Variants in ATP10B observed in about 807,000 individuals in gnomAD.
ATP10B encodes the protein phospholipid-transporting ATPase VB.
Under a neutral mutation model 141.2 loss-of-function variants are expected in ATP10B, and 122 were observed. That is an observed-to-expected ratio of 0.86 (90% CI 0.75 to 1.00). The LOEUF is 1.00. Ranked by LOEUF, ATP10B falls within the 50% of genes least tolerant of loss-of-function variation. The pLI, the probability that ATP10B is intolerant of heterozygous loss-of-function variation, is 0.00. For synonymous variants in ATP10B, 685 were observed against 692.0 expected (o/e 0.99, Z 0.16); for missense variants, 1,876 against 1,825.3 (o/e 1.03, Z -0.51).
At chr5:160,769,519 A>T (rs1234949309) in intron 2 of ATP10B, among the ~76,000 whole-genome samples, 1 of 152,252 alleles carries the variant, frequency 6.6e-6, no homozygotes, top group Non-Finnish European at 1.5e-5. Context: ...AAGCACTCAC[A>T]GTCCATACCA....
intron 2 of ATP10B, among the ~76,000 whole-genome samples, chr5:160,755,295 C>T (rs971971265): frequency 1.3e-5 from 2 of 152,062 alleles, no homozygotes; most frequent in African/African-American, 4.8e-5. Flanking sequence ...AAATATCCGC[C>T]CCATGATCCA....
intron 8 of ATP10B, among the ~76,000 whole-genome samples, chr5:160,647,028 A>G (rs1220355083): frequency 6.6e-6 from 1 of 152,126 alleles, no homozygotes; most frequent in Non-Finnish European, 1.5e-5. Context: ...ACATTGTCAA[A>G]TGTCTCCTGG....
upstream of ATP10B, among the ~76,000 whole-genome samples, chr5:160,854,772 A>G (rs1029624165): frequency 6.6e-6 from 1 of 151,916 alleles, no homozygotes; most frequent in Non-Finnish European, 1.5e-5. Flanking sequence ...ACTAATTTAC[A>G]CTCCCTATTG....
intron 6 of ATP10B, among the ~76,000 whole-genome samples, chr5:160,672,755 A>G (rs956788415): frequency 1.3e-5 from 2 of 152,210 alleles, no homozygotes; most frequent in African/African-American, 4.8e-5. Context: ...ACTGGGCATG[A>G]CACATCTACT....
chr5:160,756,708 G>T (rs1213954598), intron 2 of ATP10B, among the ~76,000 whole-genome samples: 1 of 151,320 alleles, frequency 6.6e-6, no homozygotes, highest in Non-Finnish European at 1.5e-5. Context: ...TTTAATGGTT[G>T]TGGGTACATA....
the ATP10B span, among the ~76,000 whole-genome samples, chr5:160,902,594 G>C: frequency 4.6e-5 from 7 of 152,304 alleles, no homozygotes; most frequent in African/African-American, 1.4e-4. Context: ...GAAGGGAATG[G>C]AGCTCATGAC....
the ATP10B span, among the ~76,000 whole-genome samples, chr5:160,881,136 C>A: frequency 6.6e-6 from 1 of 152,148 alleles, no homozygotes; most frequent in Non-Finnish European, 1.5e-5. Flanking sequence ...GATCTTAATA[C>A]ACTTTACCAA....
chr5:160,826,000 A>G (rs540980132), intron 1 of ATP10B, among the ~76,000 whole-genome samples: 95 of 152,306 alleles, frequency 6.2e-4, no homozygotes, highest in African/African-American at 2.1e-3. Context: ...ATTCTTCTTT[A>G]TGGCTGCATA....
At chr5:160,868,328 T>C in the ATP10B span, among the ~76,000 whole-genome samples, 6 of 152,058 alleles carry the variant, frequency 3.9e-5, no homozygotes, top group African/African-American at 1.4e-4. Context: ...TTTCATCCCT[T>C]TGATTCTTTC....
chr5:160,890,810 G>A, the ATP10B span, among the ~76,000 whole-genome samples: 70,133 of 152,028 alleles, frequency 0.46, 17,291 homozygotes, highest in Non-Finnish European at 0.54. Flanking sequence ...TAACTCCTGA[G>A]TACAAGTGAT....
At chr5:160,613,144 A>C (rs1757814002) in intron 17 of ATP10B, among the ~76,000 whole-genome samples, 1 of 152,216 alleles carries the variant, frequency 6.6e-6, no homozygotes, top group African/African-American at 2.4e-5. Flanking sequence ...AATGAAAGAA[A>C]GTCAGGATAC....
chr5:160,681,608 C>T (rs950139885), intron 6 of ATP10B, among the ~76,000 whole-genome samples: 4 of 152,128 alleles, frequency 2.6e-5, no homozygotes, highest in African/African-American at 9.7e-5. Context: ...AGACCCCTGC[C>T]CCCACTGCCC....
At chr5:160,690,752 T>C (rs937178471) in intron 3 of ATP10B, among the ~76,000 whole-genome samples, 2 of 152,148 alleles carry the variant, frequency 1.3e-5, no homozygotes, top group African/African-American at 4.8e-5. Context: ...TTTTACACTG[T>C]TGGTGGGAGT....
chr5:160,851,168 G>T (rs1382254594), intron 1 of ATP10B, among the ~76,000 whole-genome samples: 3 of 152,156 alleles, frequency 2.0e-5, no homozygotes, highest in Non-Finnish European at 4.4e-5. Context: ...AGAGAAAATT[G>T]CCTGGCAAAT....
At chr5:160,825,031 G>A (rs906789369) in intron 1 of ATP10B, among the ~76,000 whole-genome samples, 1 of 151,976 alleles carries the variant, frequency 6.6e-6, no homozygotes, top group Non-Finnish European at 1.5e-5. Flanking sequence ...CCATTCTCTG[G>A]GACTTTAATT....
intron 2 of ATP10B, among the ~76,000 whole-genome samples, chr5:160,756,374 T>A (rs1768605026): frequency 6.6e-6 from 1 of 152,192 alleles, no homozygotes; most frequent in South Asian, 2.1e-4. Context: ...TTTTCTTTTC[T>A]CTTGGATAAA....
At chr5:160,880,806 G>A in the ATP10B span, among the ~76,000 whole-genome samples, 1 of 152,048 alleles carries the variant, frequency 6.6e-6, no homozygotes, top group Non-Finnish European at 1.5e-5. Flanking sequence ...ATGGATTAGA[G>A]ACCTAAATAT....
At chr5:160,798,114 T>C (rs1031682178) in intron 1 of ATP10B, among the ~76,000 whole-genome samples, 4 of 151,006 alleles carry the variant, frequency 2.6e-5, no homozygotes, top group African/African-American at 9.7e-5. Flanking sequence ...GCTGAGGAGG[T>C]TGGGGAGGGT....
chr5:160,594,634 C>A (rs1486921512), intron 22 of ATP10B, among the ~76,000 whole-genome samples: 2 of 151,292 alleles, frequency 1.3e-5, no homozygotes, highest in Non-Finnish European at 1.5e-5. Flanking sequence ...GTGCTGTATT[C>A]AGGAAACCCA....
Sources: gnomAD v4.1 joint callset for allele counts (sites outside exome capture counted in the v4.1 genomes callset) on GRCh38, gnomAD v4.1.1 for gene constraint, MANE v1.5 for transcripts, NCBI Gene and HGNC (gene_info 2026-07-23, HGNC 2026-07-21) for gene names.